Variants in DNAJC6 observed in about 807,000 individuals in gnomAD.
DNAJC6 encodes the protein auxilin.
DNAJC6 carries 34 observed loss-of-function variants against 110.0 expected under a neutral mutation model. The observed-to-expected ratio is 0.31, with a 90% CI of 0.24 to 0.41. The LOEUF is 0.41. Among genes scored for constraint, DNAJC6 ranks in the 10% least tolerant of loss-of-function variants. The pLI, the probability that DNAJC6 is intolerant of heterozygous loss-of-function variation, is 1.00. For missense variants in DNAJC6, 1,031 were observed against 1,207.8 expected (o/e 0.85, Z 2.17); for synonymous variants, 406 against 437.2 (o/e 0.93, Z 0.89).
intron 1 of DNAJC6, among the ~76,000 whole-genome samples, chr1:65,329,361 G>A (rs1230817799): frequency 6.6e-6 from 1 of 152,080 alleles, no homozygotes; most frequent in South Asian, 2.1e-4. Flanking sequence ...CTATGTGCTT[G>A]ATATATATTA....
intron 1 of DNAJC6, among the ~76,000 whole-genome samples, chr1:65,325,104 G>A (rs1039744709): frequency 2.0e-5 from 3 of 152,174 alleles, no homozygotes; most frequent in Admixed American, 2.0e-4. Flanking sequence ...GGCGTGGAAA[G>A]CATCTAAGTT....
At chr1:65,334,564 A>G (rs899070531) in intron 1 of DNAJC6, among the ~76,000 whole-genome samples, 2 of 152,224 alleles carry the variant, frequency 1.3e-5, no homozygotes, top group African/African-American at 4.8e-5. Flanking sequence ...CTGTGCCTCT[A>G]AAAATTTCTA....
In DNAJC6 at chr1:65,401,826, A is replaced by T; in HGVS notation, c.2173A>T (p.Thr725Ser). Reference sequence around the variant, plus strand: ...AACCGGATCCTCGCATGGTACTCCCACCCATCAAAGCAAACCCCAGACTCT... The same window carrying T: ...AACCGGATCCTCGCATGGTACTCCCTCCCATCAAAGCAAACCCCAGACTCT... ...SPTGSSHGTP[T>S]HQSKPQTLDP... The change falls in exon 15 of 19, where the codon ACC (threonine) becomes TCC (serine). Residue 725 changes from threonine to serine, a missense_variant. Thr to Ser is a moderately conservative substitution (Grantham distance 58). Transcript: ENST00000371069. 2 of 1,613,960 alleles carry T rather than the reference A, an allele frequency of 1.2e-6. No individual in the cohort carries two copies. The highest frequency in any genetic ancestry group is 1.7e-6 in the Non-Finnish European group (2 of 1,179,958).
chr1:65,296,586 C>CT (rs11393548), intron 1 of DNAJC6, among the ~76,000 whole-genome samples: 74,470 of 123,460 alleles, frequency 0.6, 23,249 homozygotes, highest in East Asian at 0.79. Context: ...TTCGACACAT[C>CT]TTTTTTTTTT....
intron 1 of DNAJC6, among the ~76,000 whole-genome samples, chr1:65,327,777 A>C (rs933054910): frequency 6.6e-6 from 1 of 152,244 alleles, no homozygotes; most frequent in Admixed American, 6.5e-5. Flanking sequence ...AAATTATGAT[A>C]TGCCCATATA....
rs896851219 is a variant in DNAJC6 at position 65,283,529 on chromosome 1, G to A, written c.-131+18597G>A. ...AGTAGTATTCCCTAAAATGGATATA[G>A]CATAATTTGTTAAAATATTTATCCA... On this transcript the variant is annotated intron_variant, in intron 1 of 19. Coordinates refer to the DNAJC6 transcript ENST00000263441. Among the ~76,000 whole-genome samples the A allele has an allele frequency of 6.2e-4, 94 of 152,226 alleles. 1 individual carries two copies. The highest frequency in any genetic ancestry group is 6.0e-3 in the Admixed American group (91 of 15,288).
chr1:65,383,851 G>A (rs67509066), intron 5 of DNAJC6, among the ~76,000 whole-genome samples: 7,230 of 152,246 alleles, frequency 0.047, 316 homozygotes, highest in African/African-American at 0.1. Context: ...TAACCTGTGA[G>A]CTCGTTACTT....
intron 7 of DNAJC6, 118 bp from the exon 8 acceptor site, chr1:65,386,694 G>T: frequency 1.2e-6 from 1 of 817,272 alleles, no homozygotes; most frequent in Non-Finnish European, 2.0e-6. Context: ...AATAGTTTCT[G>T]GGTCCGGGCC....
chr1:65,299,581 C>G (rs1644958657), intron 1 of DNAJC6, among the ~76,000 whole-genome samples: 1 of 152,166 alleles, frequency 6.6e-6, no homozygotes, highest in South Asian at 2.1e-4. Flanking sequence ...TCATTGAACC[C>G]TCACTATATG....
chr1:65,391,980 T>C (rs573813272), intron 11 of DNAJC6, among the ~76,000 whole-genome samples: 1 of 152,272 alleles, frequency 6.6e-6, no homozygotes, highest in South Asian at 2.1e-4. Flanking sequence ...GTTTTCACCA[T>C]GTTGGCCAAG....
chr1:65,356,615 AAAAT>A (rs1645546541), intron 1 of DNAJC6, among the ~76,000 whole-genome samples: 1 of 151,896 alleles, frequency 6.6e-6, no homozygotes, highest in Non-Finnish European at 1.5e-5. Flanking sequence ...TAAATTTAAA[AAAAT>A]AAAAATTTCT....
chr1:65,359,703 CT>C (rs750698244), intron 1 of DNAJC6, among the ~76,000 whole-genome samples: 2 of 152,174 alleles, frequency 1.3e-5, no homozygotes, highest in African/African-American at 2.4e-5. Flanking sequence ...TGTTAACCAT[CT>C]GATGCAAGGG....
chr1:65,376,915 G>A (rs1005365731), intron 4 of DNAJC6, among the ~76,000 whole-genome samples: 4 of 152,058 alleles, frequency 2.6e-5, no homozygotes, highest in African/African-American at 7.2e-5. Flanking sequence ...GATTACTGGT[G>A]CCTGGCACCA....
chr1:65,275,350 A>G (rs1013107146), intron 1 of DNAJC6, among the ~76,000 whole-genome samples: 1 of 152,200 alleles, frequency 6.6e-6, no homozygotes, highest in African/African-American at 2.4e-5. Flanking sequence ...TACTAGGTGT[A>G]TAGAATTATG....
At chr1:65,332,762 C>T (rs1645300235) in intron 1 of DNAJC6, among the ~76,000 whole-genome samples, 1 of 152,146 alleles carries the variant, frequency 6.6e-6, no homozygotes, top group Non-Finnish European at 1.5e-5. Context: ...CTTGACATCT[C>T]CCAGAGGCTT....
rs1645398877 is a variant in DNAJC6, at chr1:65,342,582, T to C, written c.194-22053T>C. ...AAGCCACTCAATTTATAGTACCTTGTTACAGCAGCCCAAATGGTCTAAGAC... is the reference window on the plus strand; with the variant it reads ...AAGCCACTCAATTTATAGTACCTTGCTACAGCAGCCCAAATGGTCTAAGAC... On this transcript the variant is annotated intron_variant, in intron 1 of 18. Coordinates refer to ENST00000371069, the MANE Select transcript of DNAJC6 (RefSeq NM_001256864.2). 2.0e-5 allele frequency among the ~76,000 whole-genome samples: 3 copies of C among 152,174 alleles called. No individual in the cohort carries two copies. In the South Asian group the frequency reaches 6.2e-4, roughly 32 times the overall value.
At chr1:65,353,601 G>A (rs1055470440) in intron 1 of DNAJC6, among the ~76,000 whole-genome samples, 8 of 152,074 alleles carry the variant, frequency 5.3e-5, no homozygotes, top group Non-Finnish European at 7.4e-5. Context: ...TATACGCAGA[G>A]TTCATTTTGG....
chr1:65,339,612 G>A (rs1364946752), intron 1 of DNAJC6, among the ~76,000 whole-genome samples: 2 of 152,182 alleles, frequency 1.3e-5, no homozygotes, highest in African/African-American at 4.8e-5. Context: ...CCCTGTGCTT[G>A]GCACTGTGTA....
At chr1:65,276,743 A>T (rs1321556189) in intron 1 of DNAJC6, among the ~76,000 whole-genome samples, 2 of 152,164 alleles carry the variant, frequency 1.3e-5, no homozygotes, top group African/African-American at 4.8e-5. Context: ...GGAATATCTG[A>T]AGGAGAAAAC....
Sources: gnomAD v4.1 joint callset for allele counts (sites outside exome capture counted in the v4.1 genomes callset) on GRCh38, gnomAD v4.1.1 for gene constraint, MANE v1.5 for transcripts, NCBI Gene and HGNC (gene_info 2026-07-23, HGNC 2026-07-21) for gene names.